GAREM1: variants seen among roughly 807,000 people sequenced by gnomAD.
The protein encoded by GAREM1 is GRB2 associated regulator of MAPK1 subtype 1.
In GAREM1, 26 loss-of-function variants were observed where a neutral mutation model predicts 71.3. The observed-to-expected ratio is 0.36, with a 90% CI of 0.27 to 0.51. The LOEUF (loss-of-function observed/expected upper bound fraction) is 0.51, where lower values mean the gene tolerates loss of function less well. Ranked by LOEUF, GAREM1 falls within the 20% of genes least tolerant of loss-of-function variation. The pLI is 0.95. For missense variants in GAREM1, 1,026 were observed against 1,103.1 expected (o/e 0.93, Z 0.99); for synonymous variants, 440 against 433.2 (o/e 1.02, Z -0.20).
chr18:32,294,865 G>A (rs1415444491), intron 3 of GAREM1, among the ~76,000 whole-genome samples: 4 of 152,010 alleles, frequency 2.6e-5, no homozygotes, highest in Non-Finnish European at 5.9e-5. Flanking sequence ...GAGCATTTTA[G>A]TGTTTCAGAT....
chr18:32,385,533 T>C (rs2048138242), intron 2 of GAREM1, among the ~76,000 whole-genome samples: 1 of 152,136 alleles, frequency 6.6e-6, no homozygotes, highest in Non-Finnish European at 1.5e-5. Flanking sequence ...GAATGTCACC[T>C]GTATGCAGAT....
rs766095412 is a variant in GAREM1, at chr18:32,363,995, CATATATATATATATAT to C, written c.262+28884_262+28899del. Among the ~76,000 whole-genome samples the C allele has an allele frequency of 2.8e-3, 59 of 21,336 alleles. No individual in the cohort carries two copies. In the East Asian group the frequency reaches 0.034, roughly 12 times the overall value. The allele number at this position is 21,336 out of a possible 152,430, so 14.0% of individuals were successfully genotyped here. The stretch of plus-strand genomic sequence containing the variant: ...ACACAAATACATAAATACATATATA[CATATATATATATATAT>C]ATATATATATATATATGTTTTTTTT... On this transcript the variant is annotated intron_variant, in intron 2 of 5. Coordinates refer to ENST00000269209, the MANE Select transcript of GAREM1 (RefSeq NM_001242409.2).
At chr18:32,441,932 C>G (rs936427190) in intron 1 of GAREM1, among the ~76,000 whole-genome samples, 11 of 152,160 alleles carry the variant, frequency 7.2e-5, no homozygotes, top group Non-Finnish European at 1.5e-4. Flanking sequence ...ACTACCCCCA[C>G]AATACAACAC....
At position 32,330,779 on chromosome 18, in the gene GAREM1, AAGATT is replaced by A. The variant is rs538042753; in HGVS notation, c.263-20461_263-20457del. On this transcript the variant is annotated intron_variant, in intron 2 of 5. Transcript: ENST00000269209. ...GCTTTTATTTCTGGGGAGAAAAGTT[AAGATT>A]AGTATTTTAAACATTTATTTAATAT... is the stretch of plus-strand genomic sequence containing the variant. Among the ~76,000 whole-genome samples the A allele has an allele frequency of 2.3e-4, 35 of 152,336 alleles. No individual in the cohort carries two copies. In the East Asian group the frequency reaches 6.6e-3, roughly 29 times the overall value.
intron 3 of GAREM1, among the ~76,000 whole-genome samples, chr18:32,297,909 T>C (rs992945483): frequency 2.6e-5 from 4 of 152,232 alleles, no homozygotes; most frequent in Non-Finnish European, 4.4e-5. Context: ...CAATATTTAC[T>C]ATATTTTTCC....
chr18:32,415,081 T>C (rs765239994), intron 1 of GAREM1, among the ~76,000 whole-genome samples: 3 of 152,118 alleles, frequency 2.0e-5, no homozygotes, highest in Non-Finnish European at 4.4e-5. Flanking sequence ...GAGCAACTTA[T>C]ATGCCAATAA....
In GAREM1 at chr18:32,470,652, T is replaced by C. The variant is rs1361471490; in HGVS notation, c.-224A>G. Among the ~76,000 whole-genome samples the C allele has an allele frequency of 6.7e-6, 1 of 148,752 alleles. No individual in the cohort carries two copies. Among genetic ancestry groups the C allele is most frequent in the Non-Finnish European group, 1.5e-5 (1 of 66,940 alleles). On this transcript the variant is annotated 5_prime_UTR_variant, in exon 1 of 6. Transcript: ENST00000269209. This position sits in a 1 kb window ranked among gnomAD's most constrained non-coding sequence, Gnocchi z 4.4. The stretch of plus-strand genomic sequence containing the variant: ...CGGGGCATGGCTGGGGCGCCCCGCG[T>C]GCCCTCACGCCCGGAGAAGACTCAG...
chr18:32,329,599 G>A (rs1042786413), intron 2 of GAREM1, among the ~76,000 whole-genome samples: 11 of 150,938 alleles, frequency 7.3e-5, no homozygotes, highest in African/African-American at 2.4e-4. Context: ...CCAGCTACTC[G>A]GGAGGCTGAG....
At chr18:32,292,570 T>C (rs1567952243) in intron 3 of GAREM1, among the ~76,000 whole-genome samples, 1 of 152,152 alleles carries the variant, frequency 6.6e-6, no homozygotes, top group African/African-American at 2.4e-5. Flanking sequence ...AATTGAATCA[T>C]GGGGATGGTT....
chr18:32,377,761 C>T (rs903906655), intron 2 of GAREM1, among the ~76,000 whole-genome samples: 6 of 152,074 alleles, frequency 3.9e-5, no homozygotes, highest in Non-Finnish European at 8.8e-5. Context: ...TATGGGGTTT[C>T]ACCATGTTAG....
At position 32,411,592 on chromosome 18, in the gene GAREM1, A is replaced by G. The variant is rs578038173; in HGVS notation, c.122-18557T>C. 8.5e-5 allele frequency among the ~76,000 whole-genome samples: 13 copies of G among 152,294 alleles called. No individual in the cohort carries two copies. The South Asian group carries it at 2.7e-3, about 32-fold the overall frequency. On this transcript the variant is annotated intron_variant, in intron 1 of 5. Coordinates refer to ENST00000269209, the MANE Select transcript of GAREM1 (RefSeq NM_001242409.2). ...CCCATCTATAATTTTATCTGGTACC[A>G]TTATTCAATTTAGATATATTGCATA...
chr18:32,412,280 TGGTTTTGC>T (rs932307432), intron 1 of GAREM1: 6 of 1,586,518 alleles, frequency 3.8e-6, no homozygotes, highest in Non-Finnish European at 5.1e-6. Context: ...CTTGGTTTCG[TGGTTTTGC>T]AAAGTACTGG....
chr18:32,407,257 C>T (rs940537282), intron 1 of GAREM1, among the ~76,000 whole-genome samples: 1 of 152,128 alleles, frequency 6.6e-6, no homozygotes, highest in Non-Finnish European at 1.5e-5. Flanking sequence ...CTGTCCTGTT[C>T]TAATCACATG....
intron 2 of GAREM1, among the ~76,000 whole-genome samples, chr18:32,363,962 A>G (rs1472362783): frequency 7.3e-6 from 1 of 136,158 alleles, no homozygotes; most frequent in African/African-American, 2.7e-5. Context: ...TTATAAATAC[A>G]TATACATACA....
At chr18:32,366,470 G>A (rs1466013656) in intron 2 of GAREM1, among the ~76,000 whole-genome samples, 4 of 152,146 alleles carry the variant, frequency 2.6e-5, no homozygotes, top group Non-Finnish European at 5.9e-5. Context: ...AAGCAAGAAA[G>A]AGACTTTAAA....
intron 4 of GAREM1, among the ~76,000 whole-genome samples, chr18:32,274,610 C>G (rs1228045374): frequency 6.6e-6 from 1 of 152,196 alleles, no homozygotes; most frequent in Non-Finnish European, 1.5e-5. Context: ...TTCTAGCAAT[C>G]TCTCCCACTG....
chr18:32,461,526 T>A (rs2048953793), intron 1 of GAREM1, among the ~76,000 whole-genome samples: 1 of 151,752 alleles, frequency 6.6e-6, no homozygotes, highest in African/African-American at 2.4e-5. Context: ...AAAACCCCAT[T>A]TCCATAAAAA....
intron 3 of GAREM1, among the ~76,000 whole-genome samples, chr18:32,304,548 A>T (rs1318809617): frequency 6.6e-6 from 1 of 152,246 alleles, no homozygotes; most frequent in Non-Finnish European, 1.5e-5. Flanking sequence ...AAGCAGCCAT[A>T]GATAATACAT....
rs555118214 is a variant in GAREM1 at position 32,413,283 on chromosome 18, C to T, written c.122-20248G>A. On this transcript the variant is annotated intron_variant, in intron 1 of 5. Coordinates refer to ENST00000269209, the MANE Select transcript of GAREM1 (RefSeq NM_001242409.2). ...CATATTTGACAGTTTGGGGGAGTCA[C>T]TCACATTAAGTAGATTTCCAAAAAT... 2.5e-5 allele frequency: 34 copies of T among 1,376,734 alleles called. No individual in the cohort carries two copies. The African/African-American group carries it at 4.7e-4, about 19-fold the overall frequency. The allele number at this position is 1,376,734 out of a possible 1,614,324, so 85.3% of individuals were successfully genotyped here.
Sources: allele counts gnomAD v4.1 joint callset (sites outside exome capture counted in the v4.1 genomes callset), GRCh38; gene constraint gnomAD v4.1.1; non-coding constraint Gnocchi (gnomAD v3.1); transcripts MANE v1.5; gene names NCBI Gene and HGNC (gene_info 2026-07-23, HGNC 2026-07-21).